ARMC8: variants seen among roughly 807,000 people sequenced by gnomAD.
The protein encoded by ARMC8 is armadillo repeat-containing protein 8.
A neutral mutation model predicts 99.3 loss-of-function variants in ARMC8; 20 were observed. The ratio of observed to expected loss-of-function variants is 0.20; its 90% CI spans 0.14 to 0.29. The LOEUF is 0.29. Ranked by LOEUF, ARMC8 falls within the 10% of genes least tolerant of loss-of-function variation. The pLI, the probability that ARMC8 is intolerant of heterozygous loss-of-function variation, is 1.00. For missense variants in ARMC8, 569 were observed against 809.5 expected (o/e 0.70, Z 3.60); for synonymous variants, 263 against 278.3 (o/e 0.95, Z 0.55).
chr3:138,222,087 TTGTC>T (rs915579039), intron 3 of ARMC8, 90 bp downstream of exon 3: 50 of 933,890 alleles, frequency 5.4e-5, no homozygotes, highest in East Asian at 1.5e-4. Context: ...TTTTCCTGTA[TTGTC>T]TGTCTAATTC....
intron 18 of ARMC8, among the ~76,000 whole-genome samples, chr3:138,275,393 TA>T: frequency 6.6e-6 from 1 of 151,944 alleles, no homozygotes; most frequent in East Asian, 1.9e-4. Flanking sequence ...CCATCTCTAC[TA>T]AAAAAATACA....
rs752616284 is a variant in ARMC8 at position 138,187,516 on chromosome 3, C to G, written c.-39C>G. ...GTTGGCTGTCGAAAGTGCCGGCCCC[C>G]GCGCCGGCGCCTGCAGCAGCCGGGT... On this transcript the variant is annotated 5_prime_UTR_variant, in exon 1 of 22. Coordinates refer to ENST00000469044, the MANE Select transcript of ARMC8 (RefSeq NM_001363941.2). 8 of 1,534,838 alleles carry G rather than the reference C, an allele frequency of 5.2e-6. No homozygotes were observed. Among genetic ancestry groups the G allele is most frequent in the Non-Finnish European group, 7.0e-6 (8 of 1,145,930 alleles).
chr3:138,246,350 G>C (rs1287246392), intron 12 of ARMC8: 1 of 984,740 alleles, frequency 1.0e-6, no homozygotes, highest in African/African-American at 1.7e-5. Flanking sequence ...AATCATTTTT[G>C]GTACATCTAA....
chr3:138,286,954 TTTATCAACAA>T (rs2050488821), intron 19 of ARMC8, among the ~76,000 whole-genome samples: 1 of 152,210 alleles, frequency 6.6e-6, no homozygotes, highest in Non-Finnish European at 1.5e-5. Context: ...ATTCACTCAA[TTTATCAACAA>T]GTCCTATCTG....
At chr3:138,203,328 A>G (rs1407229630) in intron 1 of ARMC8, among the ~76,000 whole-genome samples, 1 of 152,208 alleles carries the variant, frequency 6.6e-6, no homozygotes, top group African/African-American at 2.4e-5. Context: ...ATCATTTATT[A>G]TCTCAGTTTC....
intron 17 of ARMC8, 29 bp from the exon 18 acceptor site, chr3:138,274,420 A>C (rs377531059): frequency 7.0e-7 from 1 of 1,437,120 alleles, no homozygotes; most frequent in African/African-American, 1.4e-5. Flanking sequence ...TGTTTCTTTG[A>C]TAATTATGGA....
At chr3:138,242,306 T>G (rs1247242232) in intron 11 of ARMC8, among the ~76,000 whole-genome samples, 1 of 152,218 alleles carries the variant, frequency 6.6e-6, no homozygotes, top group Admixed American at 6.5e-5. Context: ...TGGAATCATC[T>G]CTGTTGTTAC....
chr3:138,246,412 A>G (rs2046884350), intron 12 of ARMC8: 1 of 985,564 alleles, frequency 1.0e-6, no homozygotes, highest in African/African-American at 1.7e-5. Context: ...TGATATATAT[A>G]TGATTTATGG....
intron 6 of ARMC8, among the ~76,000 whole-genome samples, chr3:138,234,744 A>G (rs752012939): frequency 6.6e-6 from 1 of 152,146 alleles, no homozygotes; most frequent in East Asian, 1.9e-4. Flanking sequence ...TGGGCGTTCT[A>G]TTTAATAATT....
chr3:138,270,708 CTTGTCGAAGGTAATAAAA>C (rs1229456894), intron 16 of ARMC8, among the ~76,000 whole-genome samples: 5 of 152,050 alleles, frequency 3.3e-5, no homozygotes, highest in Non-Finnish European at 5.9e-5. Flanking sequence ...GAATGATTAA[CTTGTCGAAGGTAATAAAA>C]TTGGTGCATA....
At chr3:138,232,802 A>T (rs2046124046) in intron 6 of ARMC8, among the ~76,000 whole-genome samples, 1 of 152,212 alleles carries the variant, frequency 6.6e-6, no homozygotes, top group Non-Finnish European at 1.5e-5. Context: ...TGAAACATAT[A>T]ATCTATTAGG....
intron 1 of ARMC8, among the ~76,000 whole-genome samples, chr3:138,195,231 T>C (rs931881966): frequency 4.0e-5 from 6 of 151,586 alleles, no homozygotes; most frequent in African/African-American, 1.5e-4. Flanking sequence ...TGAGCCGAGA[T>C]TGCGCCACTG....
intron 18 of ARMC8, among the ~76,000 whole-genome samples, chr3:138,277,618 A>T (rs76934264): frequency 6.6e-6 from 1 of 152,246 alleles, no homozygotes; most frequent in African/African-American, 2.4e-5. Flanking sequence ...ATCACTATGC[A>T]TCTTTTAGAA....
intron 1 of ARMC8, among the ~76,000 whole-genome samples, chr3:138,190,252 T>G (rs562942914): frequency 6.6e-6 from 1 of 151,974 alleles, no homozygotes; most frequent in Non-Finnish European, 1.5e-5. Flanking sequence ...TATATTCAGC[T>G]TCAGAGTTGA....
chr3:138,266,984 T>G (rs1384281327), intron 14 of ARMC8, among the ~76,000 whole-genome samples, 171 bp from the exon 15 acceptor site: 1 of 152,244 alleles, frequency 6.6e-6, no homozygotes, highest in Non-Finnish European at 1.5e-5. Context: ...GTCATAATTA[T>G]AGCACTAGGA....
intron 1 of ARMC8, among the ~76,000 whole-genome samples, chr3:138,193,264 G>A (rs920751329): frequency 6.9e-5 from 10 of 145,162 alleles, no homozygotes; most frequent in East Asian, 2.1e-4. Flanking sequence ...CCACCGCGCC[G>A]GCTTATCTTA....
intron 1 of ARMC8, among the ~76,000 whole-genome samples, chr3:138,195,858 G>GAAAA (rs75048043): frequency 9.3e-6 from 1 of 107,932 alleles, no homozygotes; most frequent in Non-Finnish European, 2.0e-5. Context: ...TCATTTTGTT[G>GAAAA]AAAAAAAAAA....
At chr3:138,217,565 T>C (rs1267479894) in intron 2 of ARMC8, among the ~76,000 whole-genome samples, 1 of 152,210 alleles carries the variant, frequency 6.6e-6, no homozygotes, top group African/African-American at 2.4e-5. Context: ...AAAAATCTCT[T>C]TCAGAGCAAA....
chr3:138,277,875 A>T (rs1387911035), intron 18 of ARMC8, among the ~76,000 whole-genome samples: 2 of 152,194 alleles, frequency 1.3e-5, no homozygotes, highest in East Asian at 3.9e-4. Context: ...ACATCCCTCA[A>T]CAAACTATGG....
Sources: gnomAD v4.1 joint callset for allele counts (sites outside exome capture counted in the v4.1 genomes callset) on GRCh38, gnomAD v4.1.1 for gene constraint, MANE v1.5 for transcripts, NCBI Gene and HGNC (gene_info 2026-07-23, HGNC 2026-07-21) for gene names.